The following EDRF1 variants were observed in gnomAD, a reference collection of about 807,000 sequenced individuals.
The protein encoded by EDRF1 is erythroid differentiation-related factor 1.
EDRF1 carries 69 observed loss-of-function variants against 148.7 expected under a neutral mutation model. The observed-to-expected ratio is 0.46, with a 90% CI of 0.38 to 0.57. The LOEUF (loss-of-function observed/expected upper bound fraction) is 0.57, where lower values mean the gene tolerates loss of function less well. Among genes scored for constraint, EDRF1 ranks in the 20% least tolerant of loss-of-function variants. The pLI is 0.00. For synonymous variants in EDRF1, 515 were observed against 532.8 expected, an observed-to-expected ratio of 0.97 and a Z score of 0.46; for missense variants, 1,118 against 1,478.7, an observed-to-expected ratio of 0.76 and a Z score of 4.00.
chr10:125,757,362 T>A (rs548590887), intron 24 of EDRF1, among the ~76,000 whole-genome samples: 4 of 152,360 alleles, frequency 2.6e-5, no homozygotes, highest in African/African-American at 9.6e-5. Context: ...TGTAAAGACC[T>A]TCTAACAGTA....
Position 125,723,828 on chromosome 10 carries a change from G to C in EDRF1, c.402G>C (p.Leu134=). The change falls in exon 4 of 25, where the codon CTG becomes CTC. Residue 134 remains leucine (L), a synonymous_variant. Coordinates refer to ENST00000356792, the MANE Select transcript of EDRF1 (RefSeq NM_001202438.2). The stretch of plus-strand genomic sequence containing the variant: ...TTTTTAAGAACATAAAAAAACTCCT[G>C]AAAATTCCCTACAGCAAGTCGCACG... The part of the protein sequence containing the change: ...VSDSENIKKL[L]KIPYSKSHVS... 1 of 1,613,274 alleles carries C rather than the reference G, an allele frequency of 6.2e-7. No individual in the cohort carries two copies. The highest frequency in any genetic ancestry group is 8.5e-7 in the Non-Finnish European group (1 of 1,179,496).
intron 17 of EDRF1, chr10:125,742,484 A>T: frequency 3.9e-6 from 4 of 1,034,426 alleles, no homozygotes; most frequent in Non-Finnish European, 4.7e-6. Context: ...AAAATGTGTT[A>T]TTTTGTAATA....
intron 2 of EDRF1, 75 bp from the exon 3 acceptor site, chr10:125,722,993 A>G (rs1731120440): frequency 8.8e-7 from 1 of 1,133,540 alleles, no homozygotes; most frequent in East Asian, 2.4e-5. Flanking sequence ...AATGAGCTAC[A>G]GTATTGTTAT....
chr10:125,760,244 T>C (rs1455941914), intron 24 of EDRF1, among the ~76,000 whole-genome samples: 1 of 152,264 alleles, frequency 6.6e-6, no homozygotes, highest in African/African-American at 2.4e-5. Context: ...AATATAAATA[T>C]ATGATACATG....
At chr10:125,728,658 G>A (rs1291352958) in intron 6 of EDRF1, among the ~76,000 whole-genome samples, 1 of 152,174 alleles carries the variant, frequency 6.6e-6, no homozygotes, top group African/African-American at 2.4e-5. Flanking sequence ...TGCCTGGCCA[G>A]TTTCTTAGGA....
At chr10:125,762,265 A>G (rs1315160099) in intron 24 of EDRF1, among the ~76,000 whole-genome samples, 1 of 152,218 alleles carries the variant, frequency 6.6e-6, no homozygotes. Context: ...GTGAAAGAGC[A>G]TAGCATTTGA....
intron 6 of EDRF1, among the ~76,000 whole-genome samples, chr10:125,728,795 C>T (rs961648210): frequency 6.6e-6 from 1 of 152,158 alleles, no homozygotes; most frequent in African/African-American, 2.4e-5. Context: ...TGAGTAAGAT[C>T]TAAATGTGAT....
chr10:125,738,345 A>C lies in EDRF1; in HGVS notation c.1881A>C (p.Ala627=). Residue 627 remains alanine, a synonymous_variant, in exon 15 of 25, where the codon GCA becomes GCC. Transcript: ENST00000356792. Reference sequence around the variant, plus strand: ...TCAAAAAAGAAAGCGACCTTCCAGCAGCTGACCCCAGCACTCCAATCCCGT... The same window carrying C: ...TCAAAAAAGAAAGCGACCTTCCAGCCGCTGACCCCAGCACTCCAATCCCGT... ...SSIKKESDLP[A]ADPSTPIPLK... is the part of the protein sequence containing the mutation. 1.9e-6 allele frequency: 3 copies of C among 1,614,170 alleles called. No individual in the cohort carries two copies. Among genetic ancestry groups the C allele is most frequent in the Non-Finnish European group, 2.5e-6 (3 of 1,180,020 alleles).
chr10:125,757,891 G>C (rs974613628), intron 24 of EDRF1, among the ~76,000 whole-genome samples: 1 of 152,166 alleles, frequency 6.6e-6, no homozygotes, highest in Non-Finnish European at 1.5e-5. Flanking sequence ...TGAGTGTGTC[G>C]TGATGGCTTT....
intron 17 of EDRF1, 142 bp from the exon 18 acceptor site, chr10:125,742,916 A>G: frequency 7.5e-7 from 1 of 1,327,428 alleles, no homozygotes; most frequent in South Asian, 1.6e-5. Flanking sequence ...AAACTTAAAT[A>G]TTGTTGTATT....
intron 23 of EDRF1, among the ~76,000 whole-genome samples, chr10:125,753,134 C>A (rs143405940): frequency 6.6e-6 from 1 of 152,294 alleles, no homozygotes; most frequent in East Asian, 1.9e-4. Flanking sequence ...AAGAATATAT[C>A]TCAACAAGAC....
chr10:125,722,998 T>C, intron 2 of EDRF1, 70 bp from the exon 3 acceptor site: 1 of 1,204,916 alleles, frequency 8.3e-7, no homozygotes, highest in Non-Finnish European at 1.2e-6. Flanking sequence ...GCTACAGTAT[T>C]GTTATTAAGC....
chr10:125,753,733 C>T lies in EDRF1; in HGVS notation c.3433C>T (p.Pro1145Ser), dbSNP rs1388447853. ...CGCCGCTGCAGCTGCTGATGCTTCT[C>T]CTAGTCTCAATCGAGAAGAAGTGAT... is the stretch of plus-strand genomic sequence containing the variant. ...GDAAAAADASPSLNREEVMKL... is the reference protein window; with the variant it reads ...GDAAAAADASSSLNREEVMKL... The change falls in exon 24 of 25, where the codon CCT (proline) becomes TCT (serine). Residue 1145 changes from proline to serine, a missense_variant. By Grantham distance (74) the Pro-to-Ser change is moderately conservative. Coordinates refer to ENST00000356792, the MANE Select transcript of EDRF1 (RefSeq NM_001202438.2). 6.2e-7 allele frequency: 1 copy of T among 1,613,874 alleles called. No homozygotes were observed.
chr10:125,723,713 G>A, intron 3 of EDRF1, 98 bp from the exon 4 acceptor site: 1 of 1,283,460 alleles, frequency 7.8e-7, no homozygotes, highest in Admixed American at 1.9e-5. Flanking sequence ...AGGAAATAAG[G>A]TTTATTATGC....
chr10:125,723,712 G>A lies in EDRF1; in HGVS notation c.385-99G>A, dbSNP rs1848116471. 3.3e-5 allele frequency: 41 copies of A among 1,259,642 alleles called. 1 individual carries two copies. The South Asian group carries it at 4.9e-4, about 15-fold the overall frequency. The allele number at this position is 1,259,642 out of a possible 1,614,324, so 78.0% of individuals were successfully genotyped here. On this transcript the variant is annotated intron_variant, in intron 3 of 24. Transcript: ENST00000356792. ...TATTTGTATAACCTTAAGGAAATAA[G>A]GTTTATTATGCTTTAAAATGAATGA...
rs1378610252 is a variant in EDRF1, at chr10:125,723,905, A to T, written c.479A>T (p.Asp160Val). The change falls in exon 4 of 25, where the codon GAT becomes GTT. Residue 160 changes from aspartate (D) to valine (V), a missense_variant. This residue lies in a region of EDRF1 where 99 missense variants were observed against 186.9 expected (regional missense o/e 0.53). Transcript: ENST00000356792. Reference sequence around the variant, plus strand: ...AGGACTCTCTTACTAGATGAGCTAGATATTCAAGAACTCTTTATGAGATCG... The same window carrying T: ...AGGACTCTCTTACTAGATGAGCTAGTTATTCAAGAACTCTTTATGAGATCG... ...IGRTLLLDEL[D>V]IQELFMRSSQ... is the part of the protein sequence containing the mutation. 1 of 1,613,720 alleles carries T rather than the reference A, an allele frequency of 6.2e-7. No individual in the cohort carries two copies. The highest frequency in any genetic ancestry group is 1.7e-5 in the Admixed American group (1 of 60,012).
In EDRF1 at chr10:125,719,735, CCCTGCTTTGGG is replaced by C; in HGVS notation, c.-67_-57del. 1 of 1,246,604 alleles carries C rather than the reference CCCTGCTTTGGG, an allele frequency of 8.0e-7. No homozygotes were observed. The allele number at this position is 1,246,604 out of a possible 1,614,324, so 77.2% of individuals were successfully genotyped here. A position where few individuals can be genotyped will look rare whatever the true frequency, so the allele number is the denominator to read the frequency against. ...GTCCGCGGAGCGTCTCTGGCGCTTA[CCCTGCTTTGGG>C]CCTGCGTTGCTGCTGCTGCTCCTCC... On this transcript the variant is annotated 5_prime_UTR_variant, in exon 1 of 25. Coordinates refer to ENST00000356792, the MANE Select transcript of EDRF1 (RefSeq NM_001202438.2).
intron 16 of EDRF1, 96 bp from the exon 17 acceptor site, chr10:125,740,905 A>G: frequency 7.7e-7 from 1 of 1,305,638 alleles, no homozygotes; most frequent in Non-Finnish European, 1.1e-6. Flanking sequence ...AGTGCTACAA[A>G]GCGTTCAGCT....
chr10:125,724,008 G>A (rs1848136279), intron 4 of EDRF1, 72 bp downstream of exon 4: 3 of 1,569,124 alleles, frequency 1.9e-6, no homozygotes, highest in Non-Finnish European at 2.6e-6. Flanking sequence ...TTTTGTTTCA[G>A]AGAATGGCCA....
Sources: gnomAD v4.1 joint callset for allele counts (sites outside exome capture counted in the v4.1 genomes callset) on GRCh38, gnomAD v4.1.1 for gene constraint, gnomAD v4.1.1 regional missense constraint, MANE v1.5 for transcripts, NCBI Gene and HGNC (gene_info 2026-07-23, HGNC 2026-07-21) for gene names.